NFKBID: variants seen among roughly 807,000 people sequenced by gnomAD.
NFKBID encodes the protein NF-kappa-B inhibitor delta.
A neutral mutation model predicts 53.4 loss-of-function variants in NFKBID; 26 were observed. The observed-to-expected ratio is 0.49, with a 90% CI of 0.36 to 0.68. NFKBID has a LOEUF of 0.68. Among genes scored for constraint, NFKBID ranks in the 30% least tolerant of loss-of-function variants. The probability of loss-of-function intolerance (pLI) is 0.00; values close to 1 mark genes in which losing one functional copy is unlikely to be tolerated. For missense variants in NFKBID, 493 were observed against 614.1 expected (o/e 0.80, Z 2.08); for synonymous variants, 262 against 259.8 (o/e 1.01, Z -0.08).
At chr19:35,898,484 C>T in exon 3 of NFKBID, 1 of 1,534,890 alleles carries the variant, frequency 6.5e-7, no homozygotes, top group Non-Finnish European at 8.7e-7. Context: ...GTCACAGCCT[C>T]ATTCACAGAT....
chr19:35,895,705 G>A lies in NFKBID; in HGVS notation c.1032+275C>T, dbSNP rs144089078. On this transcript the variant is annotated intron_variant, in intron 9 of 11. Coordinates refer to ENST00000641389, the Ensembl canonical transcript of NFKBID. ...TGTAATCCCAGCTACTCAGGAGGCT[G>A]AGGCAGGAGAATCACTTGAACCCGG... Among the ~76,000 whole-genome samples the A allele has an allele frequency of 1.1e-3, 163 of 152,004 alleles. 1 individual carries two copies. Among genetic ancestry groups the A allele is most frequent in the East Asian group, 1.9e-4 (1 of 5,154 alleles).
At chr19:35,893,545 G>A (rs1038314567) in intron 9 of NFKBID, among the ~76,000 whole-genome samples, 1 of 152,156 alleles carries the variant, frequency 6.6e-6, no homozygotes, top group Non-Finnish European at 1.5e-5. Context: ...GAGAGGCCAC[G>A]CACAGTGGCT....
chr19:35,896,918 C>G lies in NFKBID; in HGVS notation c.573G>C (p.Gly191=), dbSNP rs772320041. ...ACCCTATCCCTTATACTCACGTGTC[C>G]CCCTCCTCATCCTGGGCCAGCAGCT... Residue 191 remains glycine, a synonymous_variant, in exon 5 of 12, where the codon GGG becomes GGC. Coordinates refer to ENST00000641389, the Ensembl canonical transcript of NFKBID. This position sits in a 1 kb window ranked among gnomAD's most constrained non-coding sequence, Gnocchi z 5.7. The G allele has an allele frequency of 1.9e-6, 3 of 1,607,892 alleles. No homozygotes were observed. Among genetic ancestry groups the G allele is most frequent in the Non-Finnish European group, 2.6e-6 (3 of 1,175,894 alleles).
At chr19:35,897,474 C>T (rs1975260180) in intron 4 of NFKBID, 177 bp downstream of exon 4, 2 of 651,094 alleles carry the variant, frequency 3.1e-6, no homozygotes, top group Admixed American at 2.6e-5. Flanking sequence ...AAACGCCTGA[C>T]CTCAAGTGAT....
chr19:35,888,099 TC>T (rs1974516356), downstream of NFKBID: 1 of 157,630 alleles, frequency 6.3e-6, no homozygotes, highest in Non-Finnish European at 1.4e-5. Flanking sequence ...TCTCAGAGGG[TC>T]CCTCCTGTCT....
chr19:35,890,518 G>T, intron 9 of NFKBID, 28 bp from the exon 10 acceptor site: 1 of 1,508,812 alleles, frequency 6.6e-7, no homozygotes, highest in Non-Finnish European at 9.2e-7. Flanking sequence ...GCAGAGGTCA[G>T]GGCCAGCCTC....
chr19:35,897,684 T>C (rs200862386), exon 4 of NFKBID: 187 of 1,608,440 alleles, frequency 1.2e-4, no homozygotes, highest in Admixed American at 6.7e-5. Flanking sequence ...ACGGCTGCCC[T>C]GGGTCCGAGG....
intron 2 of NFKBID, 71 bp from the exon 3 acceptor site, chr19:35,898,603 C>G: frequency 1.4e-6 from 2 of 1,426,314 alleles, no homozygotes; most frequent in Non-Finnish European, 1.9e-6. Context: ...TGTCTCGGAT[C>G]TATAAGACAT....
intron 9 of NFKBID, among the ~76,000 whole-genome samples, chr19:35,892,989 A>AC (rs553584695): frequency 6.1e-4 from 92 of 151,772 alleles, no homozygotes; most frequent in Admixed American, 1.8e-3. Context: ...ACATAGTGAG[A>AC]CCCCCCCTCT....
chr19:35,896,672 GC>G lies in NFKBID; in HGVS notation c.684+53del. On this transcript the variant is annotated intron_variant, in intron 6 of 11. Transcript: ENST00000641389. The surrounding 1 kb of genome is among the most constrained non-coding windows in gnomAD (Gnocchi z 5.7). The stretch of plus-strand genomic sequence containing the variant: ...TCTTCTCTAGGATCCAGGGGTCCAG[GC>G]CCCAGGCTCCTTCCTCCCCTGAACC... 1 of 1,563,516 alleles carries G rather than the reference GC, an allele frequency of 6.4e-7. No individual in the cohort carries two copies. Among genetic ancestry groups the G allele is most frequent in the East Asian group, 2.3e-5 (1 of 44,280 alleles).
At chr19:35,894,664 C>T (rs112971159) in intron 9 of NFKBID, among the ~76,000 whole-genome samples, 4 of 152,234 alleles carry the variant, frequency 2.6e-5, no homozygotes, top group African/African-American at 7.2e-5. Flanking sequence ...TGCCACTGCA[C>T]TCCAGCCTGA....
At position 35,888,764 on chromosome 19, in the gene NFKBID, A is replaced by G. The variant is rs1974551385; in HGVS notation, c.1315-152T>C. On this transcript the variant is annotated intron_variant, in intron 11 of 11. Coordinates refer to ENST00000641389, the Ensembl canonical transcript of NFKBID. ...AGGTCCAGAGTCAAGATTTTGGAAG[A>G]GCCAGGTGCAGTGGCTCACGCCTGT... The G allele has an allele frequency of 1.2e-5, 8 of 652,220 alleles. 1 individual carries two copies. The South Asian group carries it at 1.4e-4, about 12-fold the overall frequency. The allele number at this position is 652,220 out of a possible 1,614,324, so 40.4% of individuals were successfully genotyped here.
chr19:35,900,233 C>A (rs1161876918), intron 1 of NFKBID, among the ~76,000 whole-genome samples: 2 of 151,740 alleles, frequency 1.3e-5, no homozygotes, highest in Non-Finnish European at 2.9e-5. Flanking sequence ...GATCCCCAGG[C>A]CCCTGCACCC....
At chr19:35,893,824 A>T (rs1222663748) in intron 9 of NFKBID, among the ~76,000 whole-genome samples, 2 of 151,848 alleles carry the variant, frequency 1.3e-5, no homozygotes, top group Admixed American at 1.3e-4. Flanking sequence ...ATCTCAAAAA[A>T]AAAAAAAAAA....
chr19:35,900,524 G>C, exon 1 of NFKBID: 1 of 1,231,758 alleles, frequency 8.1e-7, no homozygotes, highest in South Asian at 4.1e-5. Context: ...CCCCCGCGGA[G>C]CCGCCGCCGG....
In NFKBID at chr19:35,896,618, C is replaced by G. The variant is rs924762694; in HGVS notation, c.685-80G>C. The G allele has an allele frequency of 2.6e-6, 4 of 1,524,578 alleles. No homozygotes were observed. Among genetic ancestry groups the G allele is most frequent in the Non-Finnish European group, 2.7e-6 (3 of 1,106,548 alleles). 94.4% of individuals were successfully genotyped at this position (1,524,578 alleles called of 1,614,324 possible). A position where few individuals can be genotyped will look rare whatever the true frequency, so the allele number is the denominator to read the frequency against. On this transcript the variant is annotated intron_variant, in intron 6 of 11. Coordinates refer to ENST00000641389, the Ensembl canonical transcript of NFKBID. This position sits in a 1 kb window ranked among gnomAD's most constrained non-coding sequence, Gnocchi z 5.7. ...CCAGGCTCCCAGCCCCATCCCCCCT[C>G]AGCCCCAGGAGCTCACCCCCCATTC...
intron 9 of NFKBID, 157 bp from the exon 10 acceptor site, chr19:35,890,647 T>C (rs759441831): frequency 4.2e-6 from 3 of 715,452 alleles, no homozygotes; most frequent in Non-Finnish European, 7.7e-6. Context: ...GAGGATCACT[T>C]GAGGCCAGGA....
chr19:35,889,349 C>T (rs1248746867), intron 11 of NFKBID, among the ~76,000 whole-genome samples: 1 of 152,070 alleles, frequency 6.6e-6, no homozygotes, highest in African/African-American at 2.4e-5. Flanking sequence ...GAGCAAGACG[C>T]TGCCTCAAAA....
exon 10 of NFKBID, chr19:35,890,466 G>A: frequency 6.2e-7 from 1 of 1,613,842 alleles, no homozygotes; most frequent in Non-Finnish European, 8.5e-7. Context: ...GCCAAGTGCA[G>A]AACTGTCTTG....
Sources: gnomAD v4.1 joint callset for allele counts (sites outside exome capture counted in the v4.1 genomes callset) on GRCh38, gnomAD v4.1.1 for gene constraint, Gnocchi (gnomAD v3.1) non-coding constraint, MANE v1.5 for transcripts, NCBI Gene and HGNC (gene_info 2026-07-23, HGNC 2026-07-21) for gene names.